Variants in TFG observed in about 807,000 individuals in gnomAD.
TFG encodes the protein trafficking from ER to golgi regulator.
Under a neutral mutation model 51.4 loss-of-function variants are expected in TFG, and 22 were observed. The observed-to-expected ratio is 0.43, with a 90% CI of 0.31 to 0.61. The LOEUF is 0.61. Among genes scored for constraint, TFG ranks in the 20% least tolerant of loss-of-function variants. TFG has a pLI of 0.12. For missense variants in TFG, 419 were observed against 487.7 expected (o/e 0.86, Z 1.33); for synonymous variants, 187 against 165.6 (o/e 1.13, Z -0.99).
chr3:100,736,579 C>A lies in TFG; in HGVS notation c.584C>A (p.Pro195Gln). ...TGACTTTTTTTTGACTATCCAGGGC[C>A]ACCCAGTGCTCCTGCAGAAGATCGT... ...FGLTDDQVSG[P>Q]PSAPAEDRSG... is the part of the protein sequence containing the mutation. Residue 195 changes from proline (P) to glutamine (Q), a missense_variant, in exon 6 of 8, where the codon CCA becomes CAA. Pro to Gln is a moderately conservative substitution (Grantham distance 76). Around this residue, in one of 3 missense-constraint regions of TFG, gnomAD observed 391 missense variants for 434.4 expected, o/e 0.90. Transcript: ENST00000240851. 1 of 1,613,766 alleles carries A rather than the reference C, an allele frequency of 6.2e-7. No homozygotes were observed. Among genetic ancestry groups the A allele is most frequent in the African/African-American group, 1.3e-5 (1 of 74,980 alleles).
chr3:100,737,561 C>T (rs1384451161), intron 6 of TFG, among the ~76,000 whole-genome samples: 2 of 152,152 alleles, frequency 1.3e-5, no homozygotes, highest in East Asian at 3.9e-4. Context: ...CCTTTAAAGC[C>T]GCATTCCACT....
At chr3:100,721,496 T>C (rs2095060683) in intron 3 of TFG, among the ~76,000 whole-genome samples, 1 of 152,150 alleles carries the variant, frequency 6.6e-6, no homozygotes, top group African/African-American at 2.4e-5. Context: ...CAAGGAAGCT[T>C]AACTCTTATA....
chr3:100,736,566 G>A lies in TFG; in HGVS notation c.581-10G>A, dbSNP rs749200284. On this transcript the variant is annotated splice_polypyrimidine_tract_variant and intron_variant, in intron 5 of 7. Transcript: ENST00000240851. The stretch of plus-strand genomic sequence containing the variant: ...TTGGATACTAAACTGACTTTTTTTT[G>A]ACTATCCAGGGCCACCCAGTGCTCC... 13 of 1,604,990 alleles carry A rather than the reference G, an allele frequency of 8.1e-6. No individual in the cohort carries two copies. The Admixed American group carries it at 1.9e-4, about 24-fold the overall frequency.
At chr3:100,727,994 G>C (rs1166232426) in intron 3 of TFG, among the ~76,000 whole-genome samples, 1 of 152,184 alleles carries the variant, frequency 6.6e-6, no homozygotes, top group East Asian at 1.9e-4. Context: ...TGCCACACTT[G>C]GCTAATTTTT....
intron 7 of TFG, among the ~76,000 whole-genome samples, chr3:100,745,971 C>A (rs1232354920): frequency 6.6e-6 from 1 of 152,120 alleles, no homozygotes; most frequent in East Asian, 1.9e-4. Flanking sequence ...CTGACCTAGA[C>A]CATAACATTC....
At chr3:100,741,133 A>G (rs1462559620) in intron 6 of TFG, among the ~76,000 whole-genome samples, 1 of 151,536 alleles carries the variant, frequency 6.6e-6, no homozygotes, top group Non-Finnish European at 1.5e-5. Flanking sequence ...TTACTATACT[A>G]TATTTTTAAA....
intron 3 of TFG, among the ~76,000 whole-genome samples, chr3:100,721,255 A>T (rs940486317): frequency 6.6e-6 from 1 of 152,124 alleles, no homozygotes; most frequent in Non-Finnish European, 1.5e-5. Flanking sequence ...CTTGCACAGG[A>T]AAGTAAGGGA....
Position 100,736,515 on chromosome 3 carries a change from T to C in TFG, c.581-61T>C, listed in dbSNP as rs2095106703. 2.5e-6 allele frequency: 4 copies of C among 1,580,074 alleles called. No individual in the cohort carries two copies. In the African/African-American group the frequency reaches 4.0e-5, roughly 16 times the overall value. ...GTATCTTTTAACCAAACTTATTCCT[T>C]GAGCTTGCTGGGGGAAGGCCTTGTG... On this transcript the variant is annotated intron_variant, in intron 5 of 7. Transcript: ENST00000240851.
intron 6 of TFG, among the ~76,000 whole-genome samples, chr3:100,737,841 GAGTTT>G (rs1487816352): frequency 6.6e-6 from 1 of 152,092 alleles, no homozygotes; most frequent in Non-Finnish European, 1.5e-5. Flanking sequence ...TTGAGCCCAG[GAGTTT>G]GAGACTAGGC....
chr3:100,724,246 T>C (rs2095068774), intron 3 of TFG, among the ~76,000 whole-genome samples: 1 of 152,156 alleles, frequency 6.6e-6, no homozygotes, highest in Admixed American at 6.5e-5. Flanking sequence ...AGACGTGAAC[T>C]AGAAATTGGA....
At chr3:100,719,297 GTTCTTGCT>G (rs2095054608) in intron 2 of TFG, among the ~76,000 whole-genome samples, 1 of 152,178 alleles carries the variant, frequency 6.6e-6, no homozygotes, top group Non-Finnish European at 1.5e-5. Context: ...CTGCTTTTCT[GTTCTTGCT>G]TTCTTTAGAG....
chr3:100,736,490 G>C, intron 5 of TFG, 86 bp from the exon 6 acceptor site: 13 of 1,443,650 alleles, frequency 9.0e-6, no homozygotes, highest in Non-Finnish European at 1.2e-5. Context: ...AGTACTTTTA[G>C]TATCTTTTAA....
rs769041703 is a variant in TFG, at chr3:100,713,784, T to C, written c.99T>C (p.Tyr33=). 8.1e-6 allele frequency: 13 copies of C among 1,610,040 alleles called. No individual in the cohort carries two copies. Among genetic ancestry groups the C allele is most frequent in the East Asian group, 4.5e-5 (2 of 44,838 alleles). Residue 33 remains tyrosine (Y), a synonymous_variant, in exon 2 of 8, where the codon TAT becomes TAC. Coordinates refer to ENST00000240851, the MANE Select transcript of TFG (RefSeq NM_006070.6). ...CTATTCATAATGAAGATATTACTTATGATGAATTAGTGCTAATGATGCAAC... is the reference window on the plus strand; with the variant it reads ...CTATTCATAATGAAGATATTACTTACGATGAATTAGTGCTAATGATGCAAC... The part of the protein sequence containing the change: ...RIPIHNEDIT[Y]DELVLMMQRV...
intron 3 of TFG, among the ~76,000 whole-genome samples, chr3:100,726,985 AAGT>A (rs2095077747): frequency 6.6e-6 from 1 of 152,176 alleles, no homozygotes; most frequent in South Asian, 2.1e-4. Flanking sequence ...GCAGTTGGTA[AAGT>A]AGTAGCAGTT....
At chr3:100,745,508 G>C (rs935270872) in intron 7 of TFG, among the ~76,000 whole-genome samples, 5 of 152,056 alleles carry the variant, frequency 3.3e-5, no homozygotes, top group Non-Finnish European at 7.4e-5. Flanking sequence ...TGAGTATTTT[G>C]TTTCTATTTT....
chr3:100,713,650 C>G lies in TFG; in HGVS notation c.-36C>G. ...CAAAACCACTTTTATCAGTCTTTCT[C>G]TAGAGTTGTATATATAGAACATCCT... On this transcript the variant is annotated 5_prime_UTR_variant, in exon 2 of 8. Coordinates refer to ENST00000240851, the MANE Select transcript of TFG (RefSeq NM_006070.6). The G allele has an allele frequency of 1.4e-6, 2 of 1,416,598 alleles. No homozygotes were observed. 87.8% of individuals were successfully genotyped at this position (1,416,598 alleles called of 1,614,324 possible).
chr3:100,718,030 T>G (rs1165186348), intron 2 of TFG, among the ~76,000 whole-genome samples: 1 of 152,174 alleles, frequency 6.6e-6, no homozygotes, highest in Non-Finnish European at 1.5e-5. Context: ...GCTCAAGCAG[T>G]CCTTGCAACT....
In TFG at chr3:100,720,100, T is replaced by C. The variant is rs1174522721; in HGVS notation, c.268+42T>C. ...CTAATGAATTTACTATTTTATTCATTGTATTTTAAAGATGTTTGGCTTTTT... is the reference window on the plus strand; with the variant it reads ...CTAATGAATTTACTATTTTATTCATCGTATTTTAAAGATGTTTGGCTTTTT... On this transcript the variant is annotated intron_variant, in intron 3 of 7. Coordinates refer to ENST00000240851, the MANE Select transcript of TFG (RefSeq NM_006070.6). The C allele has an allele frequency of 1.1e-5, 14 of 1,275,692 alleles. No homozygotes were observed. In the African/African-American group the frequency reaches 2.2e-4, roughly 20 times the overall value. The allele number at this position is 1,275,692 out of a possible 1,614,324, so 79.0% of individuals were successfully genotyped here. A position where few individuals can be genotyped will look rare whatever the true frequency, so the allele number is the denominator to read the frequency against.
intron 2 of TFG, among the ~76,000 whole-genome samples, chr3:100,715,725 A>G (rs1246585563): frequency 2.0e-5 from 3 of 151,258 alleles, no homozygotes; most frequent in African/African-American, 7.3e-5. Flanking sequence ...TTGATCAGTG[A>G]ATTTTTTTTT....
Sources: gnomAD v4.1 joint callset for allele counts (sites outside exome capture counted in the v4.1 genomes callset) on GRCh38, gnomAD v4.1.1 for gene constraint, gnomAD v4.1.1 regional missense constraint, MANE v1.5 for transcripts, NCBI Gene and HGNC (gene_info 2026-07-23, HGNC 2026-07-21) for gene names.